The following GK variants were observed in gnomAD, a reference collection of about 807,000 sequenced individuals.
The protein encoded by GK is ATP:glycerol 3-phosphotransferase.
Under a neutral mutation model 56.4 loss-of-function variants are expected in GK, and 9 were observed. The ratio of observed to expected loss-of-function variants is 0.16; its 90% confidence interval spans 0.10 to 0.28. The LOEUF (loss-of-function observed/expected upper bound fraction) is 0.28, where lower values mean the gene tolerates loss of function less well. Among genes scored for constraint, GK ranks in the 10% least tolerant of loss-of-function variants. The pLI is 1.00. For synonymous variants in GK, 104 were observed against 144.1 expected, an observed-to-expected ratio of 0.72 and a Z score of 1.99; for missense variants, 161 against 431.4, an observed-to-expected ratio of 0.37 and a Z score of 5.55.
intron 4 of GK, among the ~76,000 whole-genome samples, chrX:30,684,203 C>A (rs1463451282): frequency 8.9e-6 from 1 of 111,994 alleles, no homozygotes; most frequent in Non-Finnish European, 1.9e-5. Flanking sequence ...ACTGATGCTA[C>A]CAGGGAAATG....
chrX:30,701,739 T>C (rs1452504467), intron 11 of GK, among the ~76,000 whole-genome samples: 2 of 112,518 alleles, frequency 1.8e-5, no homozygotes, highest in Non-Finnish European at 3.8e-5. Context: ...GCAGAAAGAA[T>C]GATAGAAGTA....
intron 11 of GK, among the ~76,000 whole-genome samples, chrX:30,707,199 A>G (rs1936058363): frequency 9.1e-6 from 1 of 110,351 alleles, no homozygotes; most frequent in Non-Finnish European, 1.9e-5. Context: ...GCGTGGTGGC[A>G]CATGCCTGTA....
At chrX:30,696,207 C>T (rs766465539) in intron 7 of GK, 56 bp downstream of exon 7, 3 of 661,086 alleles carry the variant, frequency 4.5e-6, no homozygotes, top group Admixed American at 2.5e-5. Flanking sequence ...TATTTATAAC[C>T]GAAATCTTAA....
intron 3 of GK, among the ~76,000 whole-genome samples, chrX:30,673,654 G>A (rs1933691580): frequency 2.7e-5 from 3 of 111,677 alleles, no homozygotes; most frequent in Non-Finnish European, 3.8e-5. Context: ...TGGCATGAAG[G>A]AATCCAATTA....
intron 9 of GK, 73 bp from the exon 10 acceptor site, chrX:30,700,341 A>T: frequency 1.5e-6 from 1 of 667,952 alleles, no homozygotes; most frequent in South Asian, 2.3e-5. Context: ...ACTTGTGTTC[A>T]CTCTTGTTGC....
chrX:30,721,209 T>C, intron 18 of GK: 2 of 450,843 alleles, frequency 4.4e-6, no homozygotes, highest in Admixed American at 7.0e-5. Context: ...AATCACTTTT[T>C]AAAAATCATT....
At chrX:30,675,605 A>G (rs1199737944) in intron 3 of GK, among the ~76,000 whole-genome samples, 2 of 105,786 alleles carry the variant, frequency 1.9e-5, no homozygotes, top group African/African-American at 3.5e-5. Flanking sequence ...TGCAACCCCA[A>G]ACTCCTGGGC....
chrX:30,675,392 T>C (rs1342855436), intron 3 of GK, among the ~76,000 whole-genome samples: 1 of 106,722 alleles, frequency 9.4e-6, no homozygotes, highest in African/African-American at 3.4e-5. Context: ...AGAGATGGGG[T>C]TTCACCGTGT....
In GK at chrX:30,662,673, G is replaced by GTTTC. The variant is rs761690249; in HGVS notation, c.79-2820_79-2817dup. Among the ~76,000 whole-genome samples, 842 of 109,841 alleles carry GTTTC rather than the reference G, an allele frequency of 7.7e-3. 10 individuals are homozygous for GTTTC. Among genetic ancestry groups the GTTTC allele is most frequent in the African/African-American group, 0.025 (750 of 30,225 alleles). On this transcript the variant is annotated intron_variant, in intron 1 of 20. Coordinates refer to ENST00000427190, the MANE Select transcript of GK (RefSeq NM_001205019.2). The stretch of plus-strand genomic sequence containing the variant: ...TTCAGCCAGCAAAAAGGGACACCTT[G>GTTTC]TTTCTTTCTTTCTTTCTTTCTCTCT...
intron 4 of GK, among the ~76,000 whole-genome samples, chrX:30,683,577 C>G (rs1409979538): frequency 9.0e-6 from 1 of 111,282 alleles, no homozygotes; most frequent in Admixed American, 9.6e-5. Context: ...CTGAGAAGGG[C>G]TATTTGTTTT....
intron 3 of GK, among the ~76,000 whole-genome samples, chrX:30,673,109 T>C (rs1933652194): frequency 8.9e-6 from 1 of 112,020 alleles, no homozygotes; most frequent in African/African-American, 3.2e-5. Flanking sequence ...TTAAGAAAAA[T>C]TAACCAGGGA....
intron 1 of GK, among the ~76,000 whole-genome samples, chrX:30,664,056 C>A (rs1176530019): frequency 2.6e-5 from 2 of 76,447 alleles, no homozygotes; most frequent in Admixed American, 1.7e-4. Flanking sequence ...TTATATATAT[C>A]TATATATATT....
chrX:30,664,829 G>A (rs2062778276), intron 1 of GK, among the ~76,000 whole-genome samples: 1 of 104,060 alleles, frequency 9.6e-6, no homozygotes, highest in South Asian at 4.4e-4. Flanking sequence ...TCAGCCTCCT[G>A]AGTAGCTGGG....
rs376631857 is a variant in GK at position 30,678,924 on chromosome X, T to C, written c.337+1472T>C. Among the ~76,000 whole-genome samples the C allele has an allele frequency of 9.6e-5, 10 of 103,741 alleles. No individual in the cohort carries two copies. The South Asian group carries it at 4.6e-3, about 47-fold the overall frequency. 90.1% of individuals were successfully genotyped at this position (103,741 alleles called of 115,157 possible). A position where few individuals can be genotyped will look rare whatever the true frequency, so the allele number is the denominator to read the frequency against. ...CACGTTGGCCAGGCTGGTCTTGAAC[T>C]CCTGACCTCAAGTGATCCACCCATC... On this transcript the variant is annotated intron_variant, in intron 4 of 20. Transcript: ENST00000427190.
intron 13 of GK, among the ~76,000 whole-genome samples, chrX:30,712,607 A>T (rs1425324291): frequency 1.9e-5 from 2 of 105,963 alleles, no homozygotes; most frequent in Non-Finnish European, 3.9e-5. Context: ...AATGGAAGTC[A>T]TTTCCTAATT....
intron 18 of GK, chrX:30,722,064 G>A (rs1178787619): frequency 9.0e-6 from 1 of 110,630 alleles, no homozygotes; most frequent in Non-Finnish European, 1.9e-5. Context: ...TGAGACCCCT[G>A]TCTCTAAAAA....
intron 13 of GK, among the ~76,000 whole-genome samples, chrX:30,716,119 G>C (rs1936605369): frequency 8.9e-6 from 1 of 111,841 alleles, no homozygotes; most frequent in Non-Finnish European, 1.9e-5. Context: ...ATCAGCACGT[G>C]GTTTCCTAGA....
At chrX:30,699,040 G>C (rs1487223020) in intron 9 of GK, among the ~76,000 whole-genome samples, 2 of 105,604 alleles carry the variant, frequency 1.9e-5, no homozygotes, top group African/African-American at 6.8e-5. Flanking sequence ...TTCTATTCTT[G>C]CCCTCACTTT....
rs58064540 is a variant in GK, at chrX:30,657,703, AGTAACTG to A, written c.78+4091_78+4097del. Among the ~76,000 whole-genome samples the A allele has an allele frequency of 4.1e-3, 457 of 111,925 alleles. 1 individual carries two copies. Among genetic ancestry groups the A allele is most frequent in the African/African-American group, 0.014 (429 of 30,775 alleles). On this transcript the variant is annotated intron_variant, in intron 1 of 20. Coordinates refer to ENST00000427190, the MANE Select transcript of GK (RefSeq NM_001205019.2). ...CTGAGGATTGTGCCCAAGGTCACAG[AGTAACTG>A]GTGGAGCTAGGATTCAAGTCCAGGT...
Sources: gnomAD v4.1 joint callset for allele counts (sites outside exome capture counted in the v4.1 genomes callset) on GRCh38, gnomAD v4.1.1 for gene constraint, MANE v1.5 for transcripts, NCBI Gene and HGNC (gene_info 2026-07-23, HGNC 2026-07-21) for gene names.